CDH13: variants seen among roughly 807,000 people sequenced by gnomAD.
CDH13 encodes the protein cadherin-13.
Under a neutral mutation model 63.8 loss-of-function variants are expected in CDH13, and 24 were observed. The ratio of observed to expected loss-of-function variants is 0.38; its 90% CI spans 0.27 to 0.53. The LOEUF is 0.53. Among genes scored for constraint, CDH13 ranks in the 20% least tolerant of loss-of-function variants. The pLI is 0.85. For synonymous variants in CDH13, 503 were observed against 355.3 expected, an observed-to-expected ratio of 1.42 and a Z score of -4.67; for missense variants, 1,049 against 903.1, an observed-to-expected ratio of 1.16 and a Z score of -2.07.
At chr16:82,830,438 A>G (rs1373450554) in intron 1 of CDH13, among the ~76,000 whole-genome samples, 2 of 152,212 alleles carry the variant, frequency 1.3e-5, no homozygotes, top group East Asian at 1.9e-4. Flanking sequence ...TTGTCACACT[A>G]TGAAATGGGT....
chr16:83,627,778 C>G (rs1910446274), intron 8 of CDH13, among the ~76,000 whole-genome samples: 1 of 152,100 alleles, frequency 6.6e-6, no homozygotes, highest in African/African-American at 2.4e-5. Context: ...GAATTCGAGG[C>G]AAGTCCGTAA....
chr16:82,853,406 A>G (rs1451527061), intron 1 of CDH13, among the ~76,000 whole-genome samples: 6 of 152,264 alleles, frequency 3.9e-5, no homozygotes, highest in Admixed American at 1.3e-4. Context: ...AATATAATAC[A>G]TAGAAATAAT....
chr16:82,877,364 G>T (rs558560953), intron 2 of CDH13, among the ~76,000 whole-genome samples: 1 of 152,296 alleles, frequency 6.6e-6, no homozygotes, highest in Non-Finnish European at 1.5e-5. Flanking sequence ...AATTGTTCCT[G>T]GTTTAGAGCC....
chr16:82,661,791 C>T (rs888925251), intron 1 of CDH13, among the ~76,000 whole-genome samples: 1 of 152,234 alleles, frequency 6.6e-6, no homozygotes, highest in African/African-American at 2.4e-5. Flanking sequence ...AGAGCTAGTA[C>T]ACACACAGAT....
chr16:83,079,009 G>T (rs1305496719), intron 3 of CDH13, among the ~76,000 whole-genome samples: 1 of 152,144 alleles, frequency 6.6e-6, no homozygotes, highest in Non-Finnish European at 1.5e-5. Flanking sequence ...TGGCCAGGCT[G>T]GTCTTGAACT....
intron 2 of CDH13, among the ~76,000 whole-genome samples, chr16:82,901,035 CT>C (rs1291965441): frequency 6.6e-6 from 1 of 151,528 alleles, no homozygotes; most frequent in Non-Finnish European, 1.5e-5. Context: ...GTTAATGCCC[CT>C]CATAAGGTTG....
chr16:82,738,056 A>G (rs1341266061), intron 1 of CDH13, among the ~76,000 whole-genome samples: 1 of 152,206 alleles, frequency 6.6e-6, no homozygotes, highest in Admixed American at 6.5e-5. Context: ...GCTGTGTTGT[A>G]CAGCAGACCT....
chr16:82,823,973 A>T (rs2038125171), intron 1 of CDH13: 1 of 152,196 alleles, frequency 6.6e-6, no homozygotes, highest in South Asian at 2.1e-4. Flanking sequence ...GTCACTAGTG[A>T]TCATTTTCTA....
intron 6 of CDH13, among the ~76,000 whole-genome samples, chr16:83,480,866 G>C (rs906925495): frequency 1.3e-5 from 2 of 152,164 alleles, no homozygotes; most frequent in African/African-American, 4.8e-5. Context: ...TAAAATAGCA[G>C]CTTCTACATC....
chr16:83,296,484 GGCATAA>G (rs1431601088), intron 5 of CDH13, among the ~76,000 whole-genome samples: 1 of 152,128 alleles, frequency 6.6e-6, no homozygotes, highest in African/African-American at 2.4e-5. Flanking sequence ...AAAGGGGAGA[GGCATAA>G]GACAGGAGAC....
chr16:83,243,508 G>A (rs1250475281), intron 5 of CDH13, among the ~76,000 whole-genome samples: 2 of 152,070 alleles, frequency 1.3e-5, no homozygotes, highest in African/African-American at 2.4e-5. Context: ...TGGTAATTGT[G>A]GGAGCTACAT....
intron 5 of CDH13, among the ~76,000 whole-genome samples, chr16:83,326,132 T>C (rs1363573186): frequency 6.6e-6 from 1 of 152,192 alleles, no homozygotes; most frequent in Non-Finnish European, 1.5e-5. Context: ...CCAGTGTCAG[T>C]GTGCAGGGTC....
At chr16:83,045,075 T>G (rs1055869089) in intron 3 of CDH13, among the ~76,000 whole-genome samples, 1 of 152,170 alleles carries the variant, frequency 6.6e-6, no homozygotes, top group Admixed American at 6.5e-5. Context: ...CCCAGAGAGA[T>G]TCACATGGAG....
chr16:82,796,122 C>G (rs16958685), intron 1 of CDH13, among the ~76,000 whole-genome samples: 26,909 of 151,912 alleles, frequency 0.18, 2,631 homozygotes, highest in East Asian at 0.33. Flanking sequence ...GTGATAAGGT[C>G]TCTGTGTTAA....
rs567858801 is a variant in CDH13, at chr16:83,264,231, T to C, written c.636+46734T>C. 5.3e-5 allele frequency among the ~76,000 whole-genome samples: 8 copies of C among 152,274 alleles called. No homozygotes were observed. The East Asian group carries it at 1.4e-3, about 26-fold the overall frequency. On this transcript the variant is annotated intron_variant, in intron 5 of 13. Coordinates refer to ENST00000567109, the MANE Select transcript of CDH13 (RefSeq NM_001257.5). ...ATGCTCTCCTGATAAATACCACCTG[T>C]TCAATGGGAATTTAAGACAGGTTGT...
In CDH13 at chr16:83,780,085, G is replaced by T. The variant is rs763952592; in HGVS notation, c.1799G>T (p.Ser600Ile). ...AEVCDDAKNL[S>I]VVILGASDKD... ...GTCTGTGATGATGCCAAAAACCTCA[G>T]TGTAGTCATTTTGGGAGCATCAGAT... Residue 600 changes from serine (S) to isoleucine (I), a missense_variant, in exon 12 of 14, where the codon AGT becomes ATT. Transcript: ENST00000567109. 9.9e-6 allele frequency: 16 copies of T among 1,613,716 alleles called. No homozygotes were observed. Among genetic ancestry groups the T allele is most frequent in the Non-Finnish European group, 1.3e-5 (15 of 1,179,816 alleles).
chr16:82,856,174 A>C (rs1215355412), intron 1 of CDH13, among the ~76,000 whole-genome samples: 1 of 151,820 alleles, frequency 6.6e-6, no homozygotes, highest in East Asian at 1.9e-4. Flanking sequence ...CAGCAGATCG[A>C]GACCATCCTG....
intron 7 of CDH13, among the ~76,000 whole-genome samples, chr16:83,547,687 A>G (rs1437064014): frequency 6.6e-6 from 1 of 152,132 alleles, no homozygotes; most frequent in Non-Finnish European, 1.5e-5. Flanking sequence ...CATTTTCTTT[A>G]TCCAGTCTAC....
chr16:82,828,875 A>G (rs976488354), intron 1 of CDH13, among the ~76,000 whole-genome samples: 2 of 152,188 alleles, frequency 1.3e-5, no homozygotes, highest in African/African-American at 4.8e-5. Flanking sequence ...TACATAGGGT[A>G]TTTTGGTATT....
Sources: allele counts gnomAD v4.1 joint callset (sites outside exome capture counted in the v4.1 genomes callset), GRCh38; gene constraint gnomAD v4.1.1; transcripts MANE v1.5; gene names NCBI Gene and HGNC (gene_info 2026-07-23, HGNC 2026-07-21).